TMEM132B: variants seen among roughly 807,000 people sequenced by gnomAD.
TMEM132B encodes transmembrane protein 132B.
A neutral mutation model predicts 90.8 loss-of-function variants in TMEM132B; 18 were observed. That is an observed-to-expected ratio of 0.20 (90% CI 0.14 to 0.29). The LOEUF (loss-of-function observed/expected upper bound fraction) is 0.29, where lower values mean the gene tolerates loss of function less well. TMEM132B is among the 10% of genes least tolerant of loss of function. TMEM132B has a pLI of 1.00. For synonymous variants in TMEM132B, 504 were observed against 523.3 expected (o/e 0.96, Z 0.50); for missense variants, 1,096 against 1,326.8 (o/e 0.83, Z 2.70).
rs34357959 is a variant in TMEM132B at position 125,492,261 on chromosome 12, G to A, written c.1107-27178G>A. Among the ~76,000 whole-genome samples the A allele has an allele frequency of 6.6e-6, 1 of 152,204 alleles. No homozygotes were observed. The highest frequency in any genetic ancestry group is 2.4e-5 in the African/African-American group (1 of 41,448). On this transcript the variant is annotated intron_variant, in intron 3 of 8. Transcript: ENST00000682704. This position sits in a 1 kb window ranked among gnomAD's most constrained non-coding sequence, Gnocchi z 5.8. The stretch of plus-strand genomic sequence containing the variant: ...TGTGCAAGTTACACCTGCCGTGGCA[G>A]CTCAGCCTTCCTCGTCTGTCTCTTG...
chr12:125,266,535 C>G (rs1874700910), intron 1 of TMEM132B, among the ~76,000 whole-genome samples: 1 of 152,206 alleles, frequency 6.6e-6, no homozygotes, highest in Admixed American at 6.5e-5. Flanking sequence ...GGAAGCAAGT[C>G]TAGTTGCTCA....
At chr12:125,242,013 T>G (rs912025036) in intron 1 of TMEM132B, among the ~76,000 whole-genome samples, 4 of 152,280 alleles carry the variant, frequency 2.6e-5, no homozygotes, top group Admixed American at 6.5e-5. Context: ...CCTCCAAAGA[T>G]CTGTTGTGAA....
At chr12:125,519,294 G>C (rs1883245043) in intron 3 of TMEM132B, 145 bp from the exon 4 acceptor site, 1 of 790,930 alleles carries the variant, frequency 1.3e-6, no homozygotes, top group African/African-American at 1.7e-5. Flanking sequence ...TGTGAATTAG[G>C]CTCCGACAAC....
chr12:125,347,487 G>T (rs1249849824), intron 1 of TMEM132B, among the ~76,000 whole-genome samples: 1 of 152,258 alleles, frequency 6.6e-6, no homozygotes. Flanking sequence ...GAAAAGGAAA[G>T]CTCACCAAGC....
intron 3 of TMEM132B, among the ~76,000 whole-genome samples, chr12:125,435,543 G>A (rs973357090): frequency 2.6e-5 from 4 of 152,184 alleles, no homozygotes; most frequent in African/African-American, 9.7e-5. Context: ...GTATTACAGA[G>A]CCCTCCCAAG....
intron 5 of TMEM132B, among the ~76,000 whole-genome samples, chr12:125,640,109 G>A (rs969385334): frequency 6.6e-6 from 1 of 152,164 alleles, no homozygotes; most frequent in African/African-American, 2.4e-5. Context: ...GTGCGAGGAG[G>A]AGGCGCCACT....
rs1322027045 is a variant in TMEM132B, at chr12:125,445,346, T to G, written c.1106+29669T>G. On this transcript the variant is annotated intron_variant, in intron 3 of 8. Transcript: ENST00000682704. The surrounding 1 kb of genome is among the most constrained non-coding windows in gnomAD (Gnocchi z 4.3). The stretch of plus-strand genomic sequence containing the variant: ...TGCCCCAGTCTCTTCATTTGTAAAT[T>G]GGCTATACTAATGTACCTACCTTTC... Among the ~76,000 whole-genome samples the G allele has an allele frequency of 6.6e-6, 1 of 152,202 alleles. No individual in the cohort carries two copies. The highest frequency in any genetic ancestry group is 1.5e-5 in the Non-Finnish European group (1 of 68,040).
chr12:125,592,239 G>A (rs781538995), intron 5 of TMEM132B, among the ~76,000 whole-genome samples: 3 of 152,084 alleles, frequency 2.0e-5, no homozygotes, highest in Admixed American at 1.3e-4. Flanking sequence ...TGTATTGTTT[G>A]TAAATGAATT....
intron 1 of TMEM132B, among the ~76,000 whole-genome samples, chr12:125,344,784 A>G (rs904686521): frequency 4.6e-5 from 7 of 152,106 alleles, no homozygotes; most frequent in Non-Finnish European, 8.8e-5. Flanking sequence ...CTCTGCTCAC[A>G]TGTGGGTGAT....
chr12:125,493,517 C>T (rs187628795), intron 3 of TMEM132B, among the ~76,000 whole-genome samples: 1 of 152,220 alleles, frequency 6.6e-6, no homozygotes, highest in East Asian at 1.9e-4. Flanking sequence ...GTTAGTTTTT[C>T]TCCACTGGCC....
chr12:125,413,261 A>AT (rs1879908885), intron 2 of TMEM132B, among the ~76,000 whole-genome samples: 3 of 151,330 alleles, frequency 2.0e-5, no homozygotes, highest in African/African-American at 4.9e-5. Flanking sequence ...GATACATTCT[A>AT]TTTTTTTAAA....
chr12:125,639,619 C>T (rs928385630), intron 5 of TMEM132B, among the ~76,000 whole-genome samples: 1 of 152,166 alleles, frequency 6.6e-6, no homozygotes, highest in Non-Finnish European at 1.5e-5. Flanking sequence ...TGAAGAAGTA[C>T]ATTATATAAC....
intron 1 of TMEM132B, among the ~76,000 whole-genome samples, chr12:125,345,429 A>G (rs1472476669): frequency 1.3e-5 from 2 of 152,206 alleles, no homozygotes; most frequent in African/African-American, 4.8e-5. Context: ...ACTAAGGTCC[A>G]TGTCCAGGAA....
intron 5 of TMEM132B, among the ~76,000 whole-genome samples, chr12:125,623,362 C>T (rs1490276489): frequency 2.6e-5 from 4 of 152,136 alleles, no homozygotes; most frequent in African/African-American, 9.7e-5. Flanking sequence ...ATTTTGGTAA[C>T]ACTTGACTAT....
chr12:125,390,040 C>T (rs1444441731), intron 2 of TMEM132B, among the ~76,000 whole-genome samples: 9 of 152,170 alleles, frequency 5.9e-5, no homozygotes, highest in African/African-American at 2.2e-4. Flanking sequence ...ATGCTCCTTC[C>T]CAGGGACTCC....
intron 3 of TMEM132B, among the ~76,000 whole-genome samples, chr12:125,470,126 G>T (rs554948528): frequency 5.4e-4 from 82 of 152,240 alleles, no homozygotes; most frequent in Non-Finnish European, 1.1e-3. Flanking sequence ...ATAATTCTGA[G>T]CCAGCCATGA....
At chr12:125,238,301 C>G (rs532482195) in intron 1 of TMEM132B, among the ~76,000 whole-genome samples, 121 of 143,444 alleles carry the variant, frequency 8.4e-4, no homozygotes, top group African/African-American at 2.9e-3. Flanking sequence ...TGCAGTGAGC[C>G]GAGATCGCAC....
At position 125,654,345 on chromosome 12, in the gene TMEM132B, C is replaced by T. The variant is rs759113420; in HGVS notation, c.2887C>T (p.Pro963Ser). Residue 963 changes from proline to serine, a missense_variant, in exon 9 of 9, where the codon CCT becomes TCT. Pro to Ser is a moderately conservative substitution (Grantham distance 74, BLOSUM62 -1). Coordinates refer to ENST00000682704, the MANE Select transcript of TMEM132B (RefSeq NM_001366854.1). The surrounding 1 kb of genome is among the most constrained non-coding windows in gnomAD (Gnocchi z 5.8). The part of the protein sequence containing the change: ...LGNEVELLEN[P>S]VDITLPSEEC... ...GAATGAAGTGGAACTTTTGGAGAAC[C>T]CTGTTGACATTACACTCCCATCAGA... The T allele has an allele frequency of 2.5e-6, 4 of 1,612,844 alleles. No homozygotes were observed. Among genetic ancestry groups the T allele is most frequent in the East Asian group, 2.2e-5 (1 of 44,878 alleles).
chr12:125,455,597 C>G (rs1262097605), intron 3 of TMEM132B, among the ~76,000 whole-genome samples: 1 of 151,634 alleles, frequency 6.6e-6, no homozygotes, highest in Non-Finnish European at 1.5e-5. Flanking sequence ...TTTCTGAGTT[C>G]CCTGAAAAGG....
Sources: gnomAD v4.1 joint callset for allele counts (sites outside exome capture counted in the v4.1 genomes callset) on GRCh38, gnomAD v4.1.1 for gene constraint, Gnocchi (gnomAD v3.1) non-coding constraint, MANE v1.5 for transcripts, NCBI Gene and HGNC (gene_info 2026-07-23, HGNC 2026-07-21) for gene names.